The following ADAMTS18 variants were observed in gnomAD, a reference collection of about 807,000 sequenced individuals.
The protein encoded by ADAMTS18 is A disintegrin and metalloproteinase with thrombospondin motifs 18.
ADAMTS18 carries 157 observed loss-of-function variants against 165.9 expected under a neutral mutation model. The ratio of observed to expected loss-of-function variants is 0.95; its 90% CI spans 0.83 to 1.08. The LOEUF (loss-of-function observed/expected upper bound fraction) is 1.08. Ranked by LOEUF, ADAMTS18 falls within the 50% of genes least tolerant of loss-of-function variation. The probability of loss-of-function intolerance (pLI) is 0.00; values close to 1 mark genes in which losing one functional copy is unlikely to be tolerated. For synonymous variants in ADAMTS18, 782 were observed against 578.2 expected, an observed-to-expected ratio of 1.35 and a Z score of -5.06; for missense variants, 2,040 against 1,534.0, an observed-to-expected ratio of 1.33 and a Z score of -5.51.
At chr16:77,381,477 T>A (rs1223674721) in intron 3 of ADAMTS18, among the ~76,000 whole-genome samples, 1 of 152,124 alleles carries the variant, frequency 6.6e-6, no homozygotes, top group African/African-American at 2.4e-5. Context: ...CAGGTCATTC[T>A]CAGAAGTGAG....
rs941007201 is a variant in ADAMTS18, at chr16:77,362,332, T to C, written c.1057-68A>G. The C allele has an allele frequency of 9.1e-6, 14 of 1,542,738 alleles. No individual in the cohort carries two copies. In the Admixed American group the frequency reaches 1.7e-4, roughly 18 times the overall value. The stretch of plus-strand genomic sequence containing the variant: ...AGATGAGAATGCTGAATCATTCCAT[T>C]TGTACAGGCAAACACAGAAACATAT... On this transcript the variant is annotated intron_variant, in intron 6 of 22. Coordinates refer to ENST00000282849, the MANE Select transcript of ADAMTS18 (RefSeq NM_199355.4).
chr16:77,432,308 A>G (rs1325082202), intron 2 of ADAMTS18: 1 of 152,556 alleles, frequency 6.6e-6, no homozygotes, highest in Non-Finnish European at 1.5e-5. Flanking sequence ...AAATGCCTCA[A>G]AATTGTCAGA....
Position 77,320,053 on chromosome 16 carries a change from G to A in ADAMTS18, c.2328C>T (p.Ser776=). The A allele has an allele frequency of 6.2e-7, 1 of 1,614,134 alleles. No homozygotes were observed. The highest frequency in any genetic ancestry group is 8.5e-7 in the Non-Finnish European group (1 of 1,180,016). ...AAACCTGCAGCTCCTGGATTTCGAT[G>A]CTTCGGGCGCCAGCTGGAATGAGGA... The part of the protein sequence containing the change: ...PVVLIPAGAR[S]IEIQELQVSS... Residue 776 remains serine (S), a synonymous_variant, in exon 16 of 23, where the codon AGC becomes AGT. Coordinates refer to ENST00000282849, the MANE Select transcript of ADAMTS18 (RefSeq NM_199355.4).
At chr16:77,334,926 A>G (rs2056282458) in intron 12 of ADAMTS18, among the ~76,000 whole-genome samples, 1 of 139,624 alleles carries the variant, frequency 7.2e-6, no homozygotes, top group Non-Finnish European at 1.5e-5. Context: ...AGTATATAGT[A>G]TATATACTGT....
intron 3 of ADAMTS18, among the ~76,000 whole-genome samples, chr16:77,426,997 G>C (rs2057681813): frequency 6.6e-6 from 1 of 152,162 alleles, no homozygotes. Flanking sequence ...CCAGATGACA[G>C]AGTAAGACCC....
intron 3 of ADAMTS18, among the ~76,000 whole-genome samples, chr16:77,415,105 A>C (rs2144836418): frequency 6.6e-6 from 1 of 152,358 alleles, no homozygotes; most frequent in South Asian, 2.1e-4. Flanking sequence ...TGACAATGCT[A>C]GATGCCATAA....
At chr16:77,394,911 C>A (rs2057236989) in intron 3 of ADAMTS18, among the ~76,000 whole-genome samples, 1 of 152,166 alleles carries the variant, frequency 6.6e-6, no homozygotes, top group Non-Finnish European at 1.5e-5. Flanking sequence ...AACTGCAAGA[C>A]AACATGACCA....
In ADAMTS18 at chr16:77,334,323, T is replaced by A. The variant is rs1466837247; in HGVS notation, c.1859+1433A>T. On this transcript the variant is annotated intron_variant, in intron 12 of 22. Coordinates refer to ENST00000282849, the MANE Select transcript of ADAMTS18 (RefSeq NM_199355.4). ...TGCTATATATAATATAAAGTATAAA[T>A]AATACTACATATATTATACTATTAT... is the stretch of plus-strand genomic sequence containing the variant. Among the ~76,000 whole-genome samples the A allele has an allele frequency of 2.6e-5, 2 of 75,806 alleles. 1 individual carries two copies. The highest frequency in any genetic ancestry group is 1.3e-4 in the African/African-American group (2 of 15,884). 49.7% of individuals were successfully genotyped at this position (75,806 alleles called of 152,430 possible).
chr16:77,299,335 G>A (rs1208892055), intron 17 of ADAMTS18, among the ~76,000 whole-genome samples: 1 of 152,098 alleles, frequency 6.6e-6, no homozygotes, highest in African/African-American at 2.4e-5. Context: ...CTTTTAAAAT[G>A]GGTATTACTA....
At chr16:77,335,181 G>T (rs956812198) in intron 12 of ADAMTS18, among the ~76,000 whole-genome samples, 16 of 150,104 alleles carry the variant, frequency 1.1e-4, no homozygotes, top group Admixed American at 4.7e-4. Context: ...GTTATTTGCA[G>T]CAACATGAAT....
intron 3 of ADAMTS18, among the ~76,000 whole-genome samples, chr16:77,413,213 C>A (rs1011404329): frequency 6.6e-6 from 1 of 152,120 alleles, no homozygotes; most frequent in Non-Finnish European, 1.5e-5. Context: ...GCCACCTGAC[C>A]TGCTCCTCAT....
rs1222462596 is a variant in ADAMTS18 at position 77,297,292 on chromosome 16, G to A, written c.2798C>T (p.Ala933Val). 1 of 1,614,150 alleles carries A rather than the reference G, an allele frequency of 6.2e-7. No individual in the cohort carries two copies. The highest frequency in any genetic ancestry group is 2.2e-5 in the East Asian group (1 of 44,876). The change falls in exon 18 of 23, where the codon GCT becomes GTT. Residue 933 changes from alanine to valine, a missense_variant. Physicochemically the swap from Ala to Val is moderately conservative, Grantham distance 64. Transcript: ENST00000282849. ...PKICNAFSCP[A>V]YWMPGEWSTC... Reference sequence around the variant, plus strand: ...AAGACACTTCCAAATGACTTACTAAGCCGGGCAGGAGAAAGCGTTGCAGAT... The same window carrying A: ...AAGACACTTCCAAATGACTTACTAAACCGGGCAGGAGAAAGCGTTGCAGAT...
chr16:77,305,737 G>T (rs938343632), intron 16 of ADAMTS18, among the ~76,000 whole-genome samples: 2 of 152,156 alleles, frequency 1.3e-5, no homozygotes. Flanking sequence ...ACGTGCTTTA[G>T]TGTGTCCATC....
At chr16:77,338,314 T>G (rs1276474858) in intron 11 of ADAMTS18, among the ~76,000 whole-genome samples, 1 of 152,086 alleles carries the variant, frequency 6.6e-6, no homozygotes, top group African/African-American at 2.4e-5. Context: ...TGGCACACTG[T>G]AGCCTCCACC....
At chr16:77,388,057 C>T (rs2057134032) in intron 3 of ADAMTS18, among the ~76,000 whole-genome samples, 1 of 152,200 alleles carries the variant, frequency 6.6e-6, no homozygotes, top group African/African-American at 2.4e-5. Flanking sequence ...CTGGTAGAAG[C>T]TGTAGGCACT....
chr16:77,412,260 A>G (rs1309812445), intron 3 of ADAMTS18, among the ~76,000 whole-genome samples: 1 of 152,162 alleles, frequency 6.6e-6, no homozygotes. Flanking sequence ...CTGGGTCTCC[A>G]TCTTCTCAAC....
chr16:77,381,310 G>A (rs933055797), intron 3 of ADAMTS18, among the ~76,000 whole-genome samples: 1 of 150,548 alleles, frequency 6.6e-6, no homozygotes, highest in Non-Finnish European at 1.5e-5. Context: ...TGGGGGTGGG[G>A]GACAGCTGAA....
At chr16:77,356,317 G>C (rs1462168351) in intron 8 of ADAMTS18, among the ~76,000 whole-genome samples, 3 of 152,158 alleles carry the variant, frequency 2.0e-5, no homozygotes, top group African/African-American at 7.2e-5. Flanking sequence ...GAATGGTCTA[G>C]CTGCTACATG....
chr16:77,326,995 G>A (rs79977727), intron 12 of ADAMTS18, among the ~76,000 whole-genome samples: 13,238 of 152,198 alleles, frequency 0.087, 787 homozygotes, highest in East Asian at 0.26. Flanking sequence ...ATGACCTCCA[G>A]CTCTATCCAT....
Sources: gnomAD v4.1 joint callset for allele counts (sites outside exome capture counted in the v4.1 genomes callset) on GRCh38, gnomAD v4.1.1 for gene constraint, MANE v1.5 for transcripts, NCBI Gene and HGNC (gene_info 2026-07-23, HGNC 2026-07-21) for gene names.